VAV3: variants seen among roughly 807,000 people sequenced by gnomAD.
VAV3 encodes vav guanine nucleotide exchange factor 3.
Under a neutral mutation model 131.2 loss-of-function variants are expected in VAV3, and 94 were observed. The ratio of observed to expected loss-of-function variants is 0.72; its 90% CI spans 0.61 to 0.85. The LOEUF (loss-of-function observed/expected upper bound fraction) is 0.85. Among genes scored for constraint, VAV3 ranks in the 40% least tolerant of loss-of-function variants. VAV3 has a pLI of 0.00. For missense variants in VAV3, 939 were observed against 1,002.7 expected, an observed-to-expected ratio of 0.94 and a Z score of 0.86; for synonymous variants, 349 against 342.0, an observed-to-expected ratio of 1.02 and a Z score of -0.22.
intron 1 of VAV3, among the ~76,000 whole-genome samples, chr1:107,905,083 G>A (rs771791837): frequency 5.3e-5 from 8 of 152,152 alleles, no homozygotes; most frequent in Non-Finnish European, 1.2e-4. Context: ...GGTGGCTTGA[G>A]AAGTCAGATT....
At chr1:107,638,935 C>T (rs1655133755) in intron 20 of VAV3, among the ~76,000 whole-genome samples, 1 of 151,662 alleles carries the variant, frequency 6.6e-6, no homozygotes, top group Non-Finnish European at 1.5e-5. Flanking sequence ...TATAAAGATA[C>T]ACACACACGG....
intron 1 of VAV3, among the ~76,000 whole-genome samples, chr1:107,934,924 T>C (rs976581577): frequency 1.3e-5 from 2 of 152,236 alleles, no homozygotes; most frequent in African/African-American, 4.8e-5. Context: ...CCAGGCTATC[T>C]GCAGCTTTGA....
At chr1:107,736,703 G>T (rs1662660439) in intron 15 of VAV3, among the ~76,000 whole-genome samples, 1 of 151,678 alleles carries the variant, frequency 6.6e-6, no homozygotes, top group African/African-American at 2.4e-5. Flanking sequence ...CGAAATAAAA[G>T]AAGACACAAA....
At chr1:107,652,470 T>C (rs1656243489) in intron 19 of VAV3, among the ~76,000 whole-genome samples, 1 of 152,196 alleles carries the variant, frequency 6.6e-6, no homozygotes, top group Non-Finnish European at 1.5e-5. Context: ...TGAACTCACC[T>C]GAATTAGTTC....
At chr1:107,764,623 G>A (rs1410468939) in intron 9 of VAV3, among the ~76,000 whole-genome samples, 1 of 152,150 alleles carries the variant, frequency 6.6e-6, no homozygotes, top group Non-Finnish European at 1.5e-5. Context: ...GGGCTCAAGT[G>A]CATACTCCTT....
intron 15 of VAV3, among the ~76,000 whole-genome samples, chr1:107,746,074 A>T (rs1213720229): frequency 3.3e-5 from 5 of 152,204 alleles, no homozygotes; most frequent in Non-Finnish European, 1.5e-5. Context: ...AATAATGGAT[A>T]AGCAGCAAAA....
At chr1:107,874,603 A>G (rs1380954148) in intron 2 of VAV3, among the ~76,000 whole-genome samples, 1 of 19,562 alleles carries the variant, frequency 5.1e-5, no homozygotes, top group East Asian at 1.2e-3. Flanking sequence ...GACCAGCAGA[A>G]AAAAAATTAT....
At chr1:107,800,723 C>T (rs1403349361) in intron 2 of VAV3, among the ~76,000 whole-genome samples, 1 of 152,104 alleles carries the variant, frequency 6.6e-6, no homozygotes, top group South Asian at 2.1e-4. Context: ...GGTTGTTAAT[C>T]TCTTGTTATA....
At chr1:107,844,626 T>C (rs777239760) in intron 2 of VAV3, among the ~76,000 whole-genome samples, 4 of 152,054 alleles carry the variant, frequency 2.6e-5, no homozygotes, top group Non-Finnish European at 5.9e-5. Context: ...ATGCTCCAGC[T>C]TGGTGGGGGA....
intron 11 of VAV3, 26 bp downstream of exon 11, chr1:107,757,235 A>G (rs759722083): frequency 5.0e-6 from 8 of 1,603,372 alleles, no homozygotes; most frequent in Non-Finnish European, 6.8e-6. Context: ...AAAAATACAA[A>G]CAAATTACTG....
At chr1:107,608,595 C>T (rs1484790784) in intron 22 of VAV3, among the ~76,000 whole-genome samples, 1 of 152,150 alleles carries the variant, frequency 6.6e-6, no homozygotes, top group Non-Finnish European at 1.5e-5. Flanking sequence ...AAGCTCAGTG[C>T]TGAGGCCCAG....
intron 4 of VAV3, among the ~76,000 whole-genome samples, chr1:107,773,323 C>T (rs1052604558): frequency 6.6e-6 from 1 of 152,176 alleles, no homozygotes; most frequent in African/African-American, 2.4e-5. Context: ...TTCAAGACCT[C>T]AGTTTCATCA....
chr1:107,736,260 G>T (rs1662623730), intron 15 of VAV3, among the ~76,000 whole-genome samples: 1 of 152,080 alleles, frequency 6.6e-6, no homozygotes, highest in South Asian at 2.1e-4. Context: ...CATACTGAAT[G>T]GGAAAAAACT....
At chr1:107,669,306 A>C in intron 19 of VAV3, 1 of 1,289,222 alleles carries the variant, frequency 7.8e-7, no homozygotes, top group Non-Finnish European at 1.0e-6. Flanking sequence ...AGAGCTACCC[A>C]GTATTGTTGC....
chr1:107,579,432 C>T (rs996261837), intron 25 of VAV3, among the ~76,000 whole-genome samples: 4 of 151,866 alleles, frequency 2.6e-5, no homozygotes, highest in African/African-American at 7.2e-5. Context: ...TCCCATGTTT[C>T]CCCCCTGCAA....
intron 1 of VAV3, among the ~76,000 whole-genome samples, chr1:107,925,926 G>A (rs1008630215): frequency 4.6e-5 from 6 of 129,502 alleles, no homozygotes; most frequent in African/African-American, 8.5e-5. Flanking sequence ...TATAACATAC[G>A]TATATATAAA....
intron 2 of VAV3, among the ~76,000 whole-genome samples, chr1:107,809,987 C>T (rs1476271767): frequency 2.0e-5 from 3 of 152,288 alleles, no homozygotes; most frequent in Middle Eastern, 3.4e-3. Flanking sequence ...GTAAAAACAA[C>T]ACATTTTCAG....
chr1:107,626,320 T>C (rs926303652), intron 20 of VAV3, among the ~76,000 whole-genome samples: 3 of 152,224 alleles, frequency 2.0e-5, no homozygotes, highest in Non-Finnish European at 4.4e-5. Flanking sequence ...AGGCCTTTAC[T>C]AATGCCTATT....
chr1:107,581,105 G>A (rs554292790), intron 25 of VAV3, among the ~76,000 whole-genome samples: 2 of 152,322 alleles, frequency 1.3e-5, no homozygotes, highest in East Asian at 1.9e-4. Context: ...TCTTGAAAGA[G>A]AACTCTTTTA....
Sources: gnomAD v4.1 joint callset for allele counts (sites outside exome capture counted in the v4.1 genomes callset) on GRCh38, gnomAD v4.1.1 for gene constraint, MANE v1.5 for transcripts, NCBI Gene and HGNC (gene_info 2026-07-23, HGNC 2026-07-21) for gene names.